The following ARHGAP24 variants were observed in gnomAD, a reference collection of about 807,000 sequenced individuals.
ARHGAP24 encodes the protein Rho GTPase activating protein 24.
A neutral mutation model predicts 76.4 loss-of-function variants in ARHGAP24; 50 were observed. That is an observed-to-expected ratio of 0.65 (90% CI 0.52 to 0.83). ARHGAP24 has a LOEUF of 0.83. Among genes scored for constraint, ARHGAP24 ranks in the 40% least tolerant of loss-of-function variants. ARHGAP24 has a pLI of 0.00. For synonymous variants in ARHGAP24, 345 were observed against 323.3 expected (o/e 1.07, Z -0.72); for missense variants, 930 against 914.2 (o/e 1.02, Z -0.22).
At chr4:85,921,840 T>C (rs1735735936) in intron 3 of ARHGAP24, among the ~76,000 whole-genome samples, 1 of 152,112 alleles carries the variant, frequency 6.6e-6, no homozygotes, top group African/African-American at 2.4e-5. Flanking sequence ...GGATCTAGGC[T>C]GCCCGCTCCT....
intron 2 of ARHGAP24, among the ~76,000 whole-genome samples, chr4:85,663,831 G>C (rs1285954811): frequency 1.3e-5 from 2 of 151,626 alleles, no homozygotes; most frequent in African/African-American, 2.4e-5. Context: ...TTATTGATTT[G>C]TGTATATTGA....
At chr4:85,628,018 C>A (rs140491220) in intron 2 of ARHGAP24, among the ~76,000 whole-genome samples, 1 of 152,196 alleles carries the variant, frequency 6.6e-6, no homozygotes, top group Admixed American at 6.5e-5. Flanking sequence ...TGACCCCTTG[C>A]GCTTCCCAGG....
intron 1 of ARHGAP24, among the ~76,000 whole-genome samples, chr4:85,559,007 TCA>T (rs1491084136): frequency 7.2e-6 from 1 of 138,586 alleles, no homozygotes; most frequent in Admixed American, 7.9e-5. Flanking sequence ...AGGAAAGCTT[TCA>T]TCTTAGCTTA....
At position 85,721,974 on chromosome 4, in the gene ARHGAP24, T is replaced by A. The variant is rs1267556618; in HGVS notation, c.268+2T>A. ...AGTTCCTTTTTGAAGTAGTTCCAGG[T>A]AAGATATTTTCCTAGTCTGATTAAA... On this transcript the variant is annotated splice_donor_variant, in intron 3 of 9. Transcript: ENST00000395184. LOFTEE classifies it high-confidence loss of function. The A allele has an allele frequency of 6.2e-7, 1 of 1,611,266 alleles. No individual in the cohort carries two copies. Among genetic ancestry groups the A allele is most frequent in the South Asian group, 1.1e-5 (1 of 91,020 alleles).
chr4:85,898,584 G>A (rs1734325091), intron 3 of ARHGAP24, among the ~76,000 whole-genome samples: 1 of 152,170 alleles, frequency 6.6e-6, no homozygotes, highest in Non-Finnish European at 1.5e-5. Context: ...GTGAGCATGA[G>A]TTAAGACTGA....
chr4:85,888,894 T>C (rs184851732), intron 3 of ARHGAP24, among the ~76,000 whole-genome samples: 68 of 152,298 alleles, frequency 4.5e-4, no homozygotes, highest in African/African-American at 1.6e-3. Context: ...TCTGTTCTCA[T>C]GTTAGTTTGC....
intron 3 of ARHGAP24, among the ~76,000 whole-genome samples, chr4:85,777,704 C>T (rs1727358404): frequency 6.6e-6 from 1 of 152,092 alleles, no homozygotes; most frequent in Admixed American, 6.6e-5. Context: ...GAAGCTATTG[C>T]TTGTCTGTTA....
intron 2 of ARHGAP24, among the ~76,000 whole-genome samples, chr4:85,617,274 A>G (rs905067609): frequency 6.7e-6 from 1 of 149,726 alleles, no homozygotes; most frequent in African/African-American, 2.4e-5. Flanking sequence ...ATTAATATAG[A>G]TATATTGATA....
intron 2 of ARHGAP24, among the ~76,000 whole-genome samples, chr4:85,577,264 A>C (rs886969536): frequency 6.6e-6 from 1 of 150,860 alleles, no homozygotes; most frequent in Non-Finnish European, 1.5e-5. Flanking sequence ...ATCCCTCAAA[A>C]TAAAGATTTA....
intron 2 of ARHGAP24, among the ~76,000 whole-genome samples, chr4:85,706,226 A>G (rs185134373): frequency 7.2e-5 from 11 of 152,154 alleles, no homozygotes; most frequent in Non-Finnish European, 1.5e-4. Flanking sequence ...CTTTTTTTTG[A>G]TGGACCTCCA....
At chr4:85,949,651 A>G (rs1337444431) in intron 5 of ARHGAP24, among the ~76,000 whole-genome samples, 2 of 152,152 alleles carry the variant, frequency 1.3e-5, no homozygotes, top group Admixed American at 1.3e-4. Flanking sequence ...ACCTTTAAGG[A>G]GTAGGCCCAG....
intron 1 of ARHGAP24, among the ~76,000 whole-genome samples, chr4:85,480,086 AT>A (rs1005159125): frequency 4.6e-5 from 7 of 152,340 alleles, no homozygotes; most frequent in Admixed American, 1.3e-4. Context: ...TCACATTACA[AT>A]ACTTTTTTGT....
chr4:85,993,742 T>C (rs1344444152), intron 8 of ARHGAP24, among the ~76,000 whole-genome samples: 1 of 152,178 alleles, frequency 6.6e-6, no homozygotes, highest in Admixed American at 6.5e-5. Context: ...GATAGCTGGT[T>C]TTCTTTGTGA....
intron 3 of ARHGAP24, among the ~76,000 whole-genome samples, chr4:85,888,934 G>A (rs1296272195): frequency 2.6e-5 from 4 of 152,142 alleles, no homozygotes; most frequent in Non-Finnish European, 5.9e-5. Context: ...CTCCATTCAT[G>A]TCCCTGCAAA....
intron 3 of ARHGAP24, among the ~76,000 whole-genome samples, chr4:85,789,980 T>G (rs1728043484): frequency 6.6e-6 from 1 of 152,196 alleles, no homozygotes; most frequent in African/African-American, 2.4e-5. Context: ...TCCTTTCCTC[T>G]TTTCTTCTCT....
intron 3 of ARHGAP24, among the ~76,000 whole-genome samples, chr4:85,825,950 A>G (rs1036226725): frequency 2.0e-5 from 3 of 152,350 alleles, no homozygotes; most frequent in Non-Finnish European, 4.4e-5. Flanking sequence ...TAACTTCACC[A>G]TTGACCTTTA....
At chr4:85,842,516 T>C (rs1230841001) in intron 3 of ARHGAP24, among the ~76,000 whole-genome samples, 1 of 152,210 alleles carries the variant, frequency 6.6e-6, no homozygotes, top group East Asian at 1.9e-4. Flanking sequence ...CCATGAAATA[T>C]ACAAAACATT....
Position 85,475,536 on chromosome 4 carries a change from C to T in ARHGAP24, c.-44C>T, listed in dbSNP as rs565305470. The stretch of plus-strand genomic sequence containing the variant: ...CCTTCGGAGCAGCAGCCCTGTCCGG[C>T]ATCTGTCTTGAGCTCCCAGCAAGGT... On this transcript the variant is annotated 5_prime_UTR_variant, in exon 1 of 10. Coordinates refer to ENST00000395184, the MANE Select transcript of ARHGAP24 (RefSeq NM_001025616.3). The T allele has an allele frequency of 6.6e-6, 1 of 152,348 alleles. No individual in the cohort carries two copies. The highest frequency in any genetic ancestry group is 2.1e-4 in the South Asian group (1 of 4,804). The allele number at this position is 152,348 out of a possible 1,614,324, so 9.4% of individuals were successfully genotyped here.
intron 2 of ARHGAP24, among the ~76,000 whole-genome samples, chr4:85,688,115 T>A (rs2110015564): frequency 6.6e-6 from 1 of 152,146 alleles, no homozygotes; most frequent in Non-Finnish European, 1.5e-5. Flanking sequence ...ACCTGGCCGG[T>A]GGTTCTATTT....
Sources: allele counts gnomAD v4.1 joint callset (sites outside exome capture counted in the v4.1 genomes callset), GRCh38; gene constraint gnomAD v4.1.1; transcripts MANE v1.5; gene names NCBI Gene and HGNC (gene_info 2026-07-23, HGNC 2026-07-21).